DAB1: variants seen among roughly 807,000 people sequenced by gnomAD.
DAB1 encodes the protein DAB adaptor protein 1.
A neutral mutation model predicts 64.6 loss-of-function variants in DAB1; 15 were observed. That is an observed-to-expected ratio of 0.23 (90% confidence interval 0.16 to 0.36). The LOEUF (loss-of-function observed/expected upper bound fraction) is 0.36. Among genes scored for constraint, DAB1 ranks in the 10% least tolerant of loss-of-function variants. The pLI, the probability that DAB1 is intolerant of heterozygous loss-of-function variation, is 1.00. For missense variants in DAB1, 596 were observed against 706.7 expected (o/e 0.84, Z 1.78); for synonymous variants, 235 against 251.9 (o/e 0.93, Z 0.64).
intron 4 of DAB1, among the ~76,000 whole-genome samples, chr1:58,303,644 A>T (rs1662224881): frequency 6.6e-6 from 1 of 152,182 alleles, no homozygotes. Context: ...GGAAGTTGGT[A>T]CTCAAATCTC....
intron 5 of DAB1, among the ~76,000 whole-genome samples, chr1:57,922,096 CCCT>C (rs1268180999): frequency 1.3e-5 from 2 of 152,186 alleles, no homozygotes; most frequent in East Asian, 3.9e-4. Context: ...TCTCTTTATT[CCCT>C]CATCTTGCCT....
chr1:58,151,407 T>C (rs1336276363), intron 4 of DAB1, among the ~76,000 whole-genome samples: 1 of 152,210 alleles, frequency 6.6e-6, no homozygotes, highest in Non-Finnish European at 1.5e-5. Flanking sequence ...AGATGGTATC[T>C]CATTGTGGTT....
intron 4 of DAB1, among the ~76,000 whole-genome samples, chr1:57,079,328 A>C (rs1180124254): frequency 6.6e-6 from 1 of 151,942 alleles, no homozygotes; most frequent in Non-Finnish European, 1.5e-5. Context: ...ATCCCCCAAA[A>C]ACAAGTCCAT....
intron 3 of DAB1, among the ~76,000 whole-genome samples, chr1:58,377,656 T>A (rs1227557990): frequency 7.1e-6 from 1 of 139,872 alleles, no homozygotes; most frequent in Non-Finnish European, 1.6e-5. Context: ...CAATTATGTG[T>A]CTTGGAGTTG....
chr1:57,788,488 T>C (rs1205277096), intron 6 of DAB1, among the ~76,000 whole-genome samples: 1 of 152,184 alleles, frequency 6.6e-6, no homozygotes, highest in African/African-American at 2.4e-5. Context: ...ACTGTACAGA[T>C]AGAAATCAAA....
chr1:57,205,606 A>G (rs956473741), intron 2 of DAB1, among the ~76,000 whole-genome samples: 7 of 152,210 alleles, frequency 4.6e-5, no homozygotes, highest in Non-Finnish European at 1.0e-4. Flanking sequence ...GCATAAATAC[A>G]TCATCTCATA....
chr1:57,683,415 C>G (rs532420770), intron 6 of DAB1, among the ~76,000 whole-genome samples: 28 of 152,308 alleles, frequency 1.8e-4, no homozygotes, highest in African/African-American at 6.7e-4. Context: ...ACACAGCACA[C>G]CTGTGAATGC....
intron 4 of DAB1, among the ~76,000 whole-genome samples, chr1:58,213,092 T>C (rs1420309358): frequency 6.6e-6 from 1 of 152,190 alleles, no homozygotes; most frequent in Non-Finnish European, 1.5e-5. Context: ...GACTTGATGT[T>C]AGAAAGGAAG....
chr1:57,714,505 T>C (rs747693681), intron 6 of DAB1, among the ~76,000 whole-genome samples: 4 of 152,190 alleles, frequency 2.6e-5, no homozygotes, highest in African/African-American at 4.8e-5. Context: ...GAGCTAGGTC[T>C]TGAAAAAGAT....
In DAB1 at chr1:57,161,277, A is replaced by G. The variant is rs1220653572; in HGVS notation, c.68-15848T>C. Among the ~76,000 whole-genome samples the G allele has an allele frequency of 2.0e-5, 3 of 152,218 alleles. No individual in the cohort carries two copies. In the East Asian group the frequency reaches 5.8e-4, roughly 29 times the overall value. On this transcript the variant is annotated intron_variant, in intron 2 of 14. Transcript: ENST00000371236. ...GAGTGCTCAGATAATGTAAACTAAT[A>G]CTGATCAGATTCCAAGAGGCTAAGC...
intron 1 of DAB1, among the ~76,000 whole-genome samples, chr1:57,860,106 T>A (rs1451980432): frequency 6.6e-6 from 1 of 152,228 alleles, no homozygotes; most frequent in African/African-American, 2.4e-5. Flanking sequence ...AGTGAATTAC[T>A]AATACAGGAT....
At chr1:58,267,058 A>G (rs1020063372) in intron 4 of DAB1, among the ~76,000 whole-genome samples, 1 of 152,126 alleles carries the variant, frequency 6.6e-6, no homozygotes, top group Non-Finnish European at 1.5e-5. Context: ...TGTCTCTACT[A>G]AAAATACAAA....
At position 58,306,740 on chromosome 1, in the gene DAB1, T is replaced by C. The variant is rs185879638; in HGVS notation, n.309+36612A>G. ...GAGGCATATTCTACATGGTTTCTTG[T>C]AGGATCTCCAGCAGAATCAGGCCCA... On this transcript the variant is annotated intron_variant and non_coding_transcript_variant, in intron 4 of 20. Transcript: ENST00000485760. Among the ~76,000 whole-genome samples, 352 of 152,302 alleles carry C rather than the reference T, an allele frequency of 2.3e-3. 3 individuals carry two copies. The highest frequency in any genetic ancestry group is 6.2e-3 in the Admixed American group (95 of 15,302).
chr1:58,405,168 T>G (rs1253380865), intron 3 of DAB1, among the ~76,000 whole-genome samples: 2 of 152,158 alleles, frequency 1.3e-5, no homozygotes, highest in East Asian at 3.9e-4. Context: ...GCCTTTGCAC[T>G]TGCTGTTTCC....
intron 7 of DAB1, among the ~76,000 whole-genome samples, chr1:57,468,497 T>C (rs941434092): frequency 1.3e-5 from 2 of 152,122 alleles, no homozygotes; most frequent in African/African-American, 4.8e-5. Context: ...TTGAGGGAAA[T>C]AGAAAAGATC....
intron 7 of DAB1, among the ~76,000 whole-genome samples, chr1:57,443,380 A>G (rs1686023539): frequency 6.6e-6 from 1 of 152,218 alleles, no homozygotes; most frequent in Non-Finnish European, 1.5e-5. Flanking sequence ...AAACACATTC[A>G]TGTGCCATGT....
Position 58,503,211 on chromosome 1 carries a change from A to G in DAB1, n.257+2849T>C, listed in dbSNP as rs540030065. Among the ~76,000 whole-genome samples, 8 of 152,326 alleles carry G rather than the reference A, an allele frequency of 5.3e-5. No individual in the cohort carries two copies. In the South Asian group the frequency reaches 1.7e-3, roughly 32 times the overall value. ...AAAATAAAAAGAAAAAAAATTCAAG[A>G]GAAAATCATATTGTTATCATTGCTT... On this transcript the variant is annotated intron_variant and non_coding_transcript_variant, in intron 3 of 20. Transcript: ENST00000485760.
chr1:57,983,323 G>A (rs935989003), intron 5 of DAB1, among the ~76,000 whole-genome samples: 7 of 152,156 alleles, frequency 4.6e-5, no homozygotes, highest in Non-Finnish European at 1.0e-4. Flanking sequence ...ATAAGAACCA[G>A]AAAGGGTCTC....
intron 5 of DAB1, among the ~76,000 whole-genome samples, chr1:57,896,888 C>G (rs113056292): frequency 3.0e-3 from 452 of 152,184 alleles, no homozygotes; most frequent in African/African-American, 0.01. Flanking sequence ...TTTGCATCTG[C>G]ATGTGGCAAA....
Sources: gnomAD v4.1 joint callset for allele counts (sites outside exome capture counted in the v4.1 genomes callset) on GRCh38, gnomAD v4.1.1 for gene constraint, MANE v1.5 for transcripts, NCBI Gene and HGNC (gene_info 2026-07-23, HGNC 2026-07-21) for gene names.